GABRG3: variants seen among roughly 807,000 people sequenced by gnomAD.
GABRG3 encodes the protein gamma-aminobutyric acid type A receptor subunit gamma3.
A neutral mutation model predicts 48.8 loss-of-function variants in GABRG3; 25 were observed. That is an observed-to-expected ratio of 0.51 (90% CI 0.37 to 0.72). The LOEUF (loss-of-function observed/expected upper bound fraction) is 0.72. Ranked by LOEUF, GABRG3 falls within the 30% of genes least tolerant of loss-of-function variation. The probability of loss-of-function intolerance (pLI) is 0.00; values close to 1 mark genes in which losing one functional copy is unlikely to be tolerated. For missense variants in GABRG3, 394 were observed against 577.9 expected (o/e 0.68, Z 3.26); for synonymous variants, 227 against 217.6 (o/e 1.04, Z -0.38).
intron 5 of GABRG3, among the ~76,000 whole-genome samples, chr15:27,466,145 GA>G (rs1274154090): frequency 1.3e-5 from 2 of 152,212 alleles, no homozygotes; most frequent in African/African-American, 2.4e-5. Flanking sequence ...AATCTCTGAA[GA>G]AATTTAAAGA....
chr15:27,023,485 C>T (rs1445060402), intron 2 of GABRG3, among the ~76,000 whole-genome samples: 1 of 152,150 alleles, frequency 6.6e-6, no homozygotes, highest in East Asian at 1.9e-4. Flanking sequence ...TTCCCCAGTC[C>T]CTGGAAACCA....
chr15:27,306,979 A>AAACATGTTTATATATAAACAT (rs1566769598), intron 3 of GABRG3, among the ~76,000 whole-genome samples: 998 of 68,628 alleles, frequency 0.015, 217 homozygotes, highest in Non-Finnish European at 0.023. Flanking sequence ...AAACATATAT[A>AAACATGTTTATATATAAACAT]ATATAAACAT....
At chr15:27,178,016 G>A (rs1472448747) in intron 3 of GABRG3, among the ~76,000 whole-genome samples, 1 of 152,110 alleles carries the variant, frequency 6.6e-6, no homozygotes, top group Admixed American at 6.5e-5. Flanking sequence ...GACATCTCCT[G>A]GGGGATGGTG....
In GABRG3 at chr15:27,501,176, C is replaced by T. The variant is rs986963215; in HGVS notation, c.713-18796C>T. On this transcript the variant is annotated intron_variant, in intron 6 of 9. Transcript: ENST00000615808. ...CCGTGTTAACCAGGATGGTCTCGAT[C>T]TCCTGACCTCGTGATCTGCCCACCT... Among the ~76,000 whole-genome samples, 8 of 152,104 alleles carry T rather than the reference C, an allele frequency of 5.3e-5. No individual in the cohort carries two copies. The East Asian group carries it at 9.7e-4, about 18-fold the overall frequency.
chr15:27,072,252 C>T (rs1434887177), intron 3 of GABRG3, among the ~76,000 whole-genome samples: 1 of 152,188 alleles, frequency 6.6e-6, no homozygotes, highest in East Asian at 1.9e-4. Flanking sequence ...AATGGAATTT[C>T]TCTCTGTGTC....
chr15:27,467,501 G>A (rs1012550847), intron 5 of GABRG3, among the ~76,000 whole-genome samples: 32 of 152,344 alleles, frequency 2.1e-4, no homozygotes, highest in African/African-American at 7.5e-4. Context: ...TGGGATCGTA[G>A]TCTTACAGCT....
At chr15:27,200,722 A>G (rs1214956487) in intron 3 of GABRG3, among the ~76,000 whole-genome samples, 1 of 152,148 alleles carries the variant, frequency 6.6e-6, no homozygotes, top group Non-Finnish European at 1.5e-5. Context: ...GCTGTAACTT[A>G]TGTGCAATGA....
intron 6 of GABRG3, among the ~76,000 whole-genome samples, chr15:27,518,389 A>G (rs114083234): frequency 0.087 from 10,431 of 120,388 alleles, 1,386 homozygotes; most frequent in African/African-American, 0.31. Flanking sequence ...AAAATGGGAC[A>G]TCAGTGATAG....
At chr15:27,239,220 C>T (rs1259793336) in intron 3 of GABRG3, among the ~76,000 whole-genome samples, 1 of 152,168 alleles carries the variant, frequency 6.6e-6, no homozygotes, top group Non-Finnish European at 1.5e-5. Flanking sequence ...GGCAGATGTC[C>T]TTGAAGAAGT....
intron 3 of GABRG3, among the ~76,000 whole-genome samples, chr15:27,139,387 T>C (rs921198673): frequency 1.3e-5 from 2 of 152,166 alleles, no homozygotes; most frequent in African/African-American, 4.8e-5. Flanking sequence ...TTGCTTTTCC[T>C]CTGCCTTTTT....
intron 3 of GABRG3, among the ~76,000 whole-genome samples, chr15:27,201,051 G>A (rs2140428765): frequency 6.6e-6 from 1 of 152,226 alleles, no homozygotes; most frequent in Non-Finnish European, 1.5e-5. Flanking sequence ...CAAATGTAGA[G>A]TTGGGGAAAG....
At chr15:27,274,850 G>T (rs555202402) in intron 3 of GABRG3, among the ~76,000 whole-genome samples, 1 of 152,212 alleles carries the variant, frequency 6.6e-6, no homozygotes, top group East Asian at 1.9e-4. Flanking sequence ...ACAAGTAATA[G>T]CATTTTCATT....
intron 3 of GABRG3, among the ~76,000 whole-genome samples, chr15:27,168,011 C>CT (rs1224268361): frequency 6.6e-6 from 1 of 152,156 alleles, no homozygotes; most frequent in African/African-American, 2.4e-5. Context: ...AAATCTCACT[C>CT]TAACACCAGC....
chr15:27,319,497 G>A lies in GABRG3; in HGVS notation c.271-7312G>A, dbSNP rs908138388. 1.3e-5 allele frequency among the ~76,000 whole-genome samples: 2 copies of A among 152,170 alleles called. No individual in the cohort carries two copies. The highest frequency in any genetic ancestry group is 1.9e-4 in the East Asian group (1 of 5,194). On this transcript the variant is annotated intron_variant, in intron 3 of 9. Transcript: ENST00000615808. The surrounding 1 kb of genome is among the most constrained non-coding windows in gnomAD (Gnocchi z 4.4). ...CGGAATTTGCGGATAATTGTGATAC[G>A]GCAGTTGAAGACATAGAGTGTTAAC...
intron 6 of GABRG3, among the ~76,000 whole-genome samples, chr15:27,516,054 G>T: frequency 6.6e-6 from 1 of 150,520 alleles, no homozygotes; most frequent in African/African-American, 2.4e-5. Flanking sequence ...TTATATATTT[G>T]GTATTTTATT....
chr15:27,007,691 A>G (rs1352131820), intron 2 of GABRG3, among the ~76,000 whole-genome samples: 1 of 151,940 alleles, frequency 6.6e-6, no homozygotes, highest in African/African-American at 2.4e-5. Flanking sequence ...TTTTTCATAT[A>G]CTGCATATAT....
chr15:27,256,418 G>A (rs1890620128), intron 3 of GABRG3, among the ~76,000 whole-genome samples: 1 of 146,686 alleles, frequency 6.8e-6, no homozygotes, highest in South Asian at 2.2e-4. Flanking sequence ...TCCAGCCTGG[G>A]CGACAGAGCA....
intron 5 of GABRG3, among the ~76,000 whole-genome samples, chr15:27,336,767 G>T (rs924070074): frequency 6.6e-6 from 1 of 152,188 alleles, no homozygotes; most frequent in African/African-American, 2.4e-5. Context: ...CAGCCCTCAT[G>T]TTCTTCAGTG....
At chr15:27,458,949 T>C (rs2150834622) in intron 5 of GABRG3, among the ~76,000 whole-genome samples, 1 of 152,314 alleles carries the variant, frequency 6.6e-6, no homozygotes. Flanking sequence ...ATTCTCTTCC[T>C]CTCTGGCTGT....
Sources: allele counts gnomAD v4.1 joint callset (sites outside exome capture counted in the v4.1 genomes callset), GRCh38; gene constraint gnomAD v4.1.1; non-coding constraint Gnocchi (gnomAD v3.1); transcripts MANE v1.5; gene names NCBI Gene and HGNC (gene_info 2026-07-23, HGNC 2026-07-21).